DNAJB6: variants seen among roughly 807,000 people sequenced by gnomAD.
DNAJB6 encodes dnaJ homolog subfamily B member 6.
DNAJB6 carries 16 observed loss-of-function variants against 42.7 expected under a neutral mutation model. That is an observed-to-expected ratio of 0.37 (90% CI 0.25 to 0.57). DNAJB6 has a LOEUF of 0.57. Among genes scored for constraint, DNAJB6 ranks in the 20% least tolerant of loss-of-function variants. The pLI, the probability that DNAJB6 is intolerant of heterozygous loss-of-function variation, is 0.74. For missense variants in DNAJB6, 347 were observed against 416.8 expected (o/e 0.83, Z 1.46); for synonymous variants, 170 against 163.5 (o/e 1.04, Z -0.30).
intron 8 of DNAJB6, among the ~76,000 whole-genome samples, chr7:157,403,358 T>C (rs1465810438): frequency 2.0e-5 from 3 of 152,202 alleles, no homozygotes; most frequent in African/African-American, 7.2e-5. Flanking sequence ...GAAGATAAGC[T>C]GTCCACTGAC....
chr7:157,380,287 G>A (rs895440203), intron 5 of DNAJB6: 3 of 152,200 alleles, frequency 2.0e-5, no homozygotes, highest in African/African-American at 7.2e-5. Context: ...AAAGTAGAAA[G>A]TTTCTAAATA....
At chr7:157,384,774 TTAAA>T in intron 6 of DNAJB6, 89 bp from the exon 7 acceptor site, 1 of 1,281,060 alleles carries the variant, frequency 7.8e-7, no homozygotes, top group South Asian at 1.3e-5. Flanking sequence ...TGCCTTAACA[TTAAA>T]TATTCTGCTA....
intron 1 of DNAJB6, among the ~76,000 whole-genome samples, chr7:157,345,805 G>C (rs544373930): frequency 6.6e-6 from 1 of 152,186 alleles, no homozygotes; most frequent in Non-Finnish European, 1.5e-5. Context: ...TTTTTGCCAA[G>C]TGGGGTTCTA....
intron 8 of DNAJB6, among the ~76,000 whole-genome samples, chr7:157,393,905 G>A (rs1801466578): frequency 6.6e-6 from 1 of 152,140 alleles, no homozygotes; most frequent in Admixed American, 6.5e-5. Flanking sequence ...TTTCATATCA[G>A]TTTGCTAATT....
chr7:157,340,712 T>C (rs543886444), intron 1 of DNAJB6, among the ~76,000 whole-genome samples: 1 of 152,198 alleles, frequency 6.6e-6, no homozygotes, highest in South Asian at 2.1e-4. Flanking sequence ...GTCCTTGCTC[T>C]GTGTCCCAGG....
At chr7:157,352,240 A>G (rs1799023029) in intron 1 of DNAJB6, among the ~76,000 whole-genome samples, 1 of 151,984 alleles carries the variant, frequency 6.6e-6, no homozygotes, top group Admixed American at 6.6e-5. Flanking sequence ...GAGACAGGAA[A>G]GTCGCTTGAA....
chr7:157,338,507 T>A (rs1798168429), intron 1 of DNAJB6, among the ~76,000 whole-genome samples: 1 of 152,180 alleles, frequency 6.6e-6, no homozygotes, highest in South Asian at 2.1e-4. Context: ...CTAATTTTTG[T>A]ATTTTTAGTA....
At chr7:157,348,644 T>C (rs117053649) in intron 1 of DNAJB6, among the ~76,000 whole-genome samples, 4 of 152,286 alleles carry the variant, frequency 2.6e-5, no homozygotes, top group Admixed American at 1.3e-4. Flanking sequence ...CCATCTCCCT[T>C]GTAGTTAGAA....
intron 6 of DNAJB6, among the ~76,000 whole-genome samples, chr7:157,384,100 A>G (rs1030630158): frequency 6.6e-6 from 1 of 152,172 alleles, no homozygotes; most frequent in African/African-American, 2.4e-5. Flanking sequence ...CATTTTGGAA[A>G]CAGGACAAAA....
chr7:157,404,023 G>C (rs1372912912), intron 8 of DNAJB6, among the ~76,000 whole-genome samples: 1 of 152,096 alleles, frequency 6.6e-6, no homozygotes, highest in African/African-American at 2.4e-5. Context: ...CAGGAGTGCA[G>C]TGGTGCGATC....
intron 8 of DNAJB6, among the ~76,000 whole-genome samples, chr7:157,404,762 TCTCAAAGTGCTGGGA>T (rs1207853903): frequency 6.6e-6 from 1 of 152,160 alleles, no homozygotes; most frequent in Non-Finnish European, 1.5e-5. Flanking sequence ...TGCCTCAGCC[TCTCAAAGTGCTGGGA>T]TTATAGGCGT....
rs746706599 is a variant in DNAJB6 at position 157,382,302 on chromosome 7, C to T, written c.403C>T (p.Arg135Ter). 3 of 1,611,800 alleles carry T rather than the reference C, an allele frequency of 1.9e-6. No homozygotes were observed. Among genetic ancestry groups the T allele is most frequent in the Non-Finnish European group, 1.7e-6 (2 of 1,179,600 alleles). Reference protein sequence around the residue: ...NRRGPRGSRSRGTGSFFSAFS... With the variant: ...NRRGPRGSRS ...AAGGGGTCCCCGAGGAAGCAGAAGCCGAGGGACGGGGTCGTTTTTCTCTGC... is the reference window on the plus strand; with the variant it reads ...AAGGGGTCCCCGAGGAAGCAGAAGCTGAGGGACGGGGTCGTTTTTCTCTGC... Residue 135 changes from arginine (R) to a stop codon, truncating the protein, a stop_gained, in exon 6 of 10, where the codon CGA becomes TGA. Transcript: ENST00000262177. LOFTEE classifies it high-confidence loss of function.
chr7:157,370,573 G>T (rs889746773), intron 5 of DNAJB6, among the ~76,000 whole-genome samples: 2 of 152,158 alleles, frequency 1.3e-5, no homozygotes, highest in Non-Finnish European at 1.5e-5. Flanking sequence ...TGTAAAGAAG[G>T]TATAGAGATC....
intron 8 of DNAJB6, among the ~76,000 whole-genome samples, chr7:157,403,675 T>G (rs1290386939): frequency 2.6e-5 from 4 of 152,168 alleles, no homozygotes; most frequent in African/African-American, 9.7e-5. Flanking sequence ...GAGGCAGGTG[T>G]GCCCGATGCA....
At chr7:157,338,641 G>C (rs78282924) in intron 1 of DNAJB6, among the ~76,000 whole-genome samples, 29 of 152,320 alleles carry the variant, frequency 1.9e-4, no homozygotes, top group African/African-American at 7.0e-4. Flanking sequence ...GCCGACTCCA[G>C]ACTTGTTTCC....
intron 8 of DNAJB6, among the ~76,000 whole-genome samples, chr7:157,389,741 T>C (rs1801250391): frequency 6.6e-6 from 1 of 152,220 alleles, no homozygotes; most frequent in Non-Finnish European, 1.5e-5. Flanking sequence ...ACAGCAGCTA[T>C]TCCTGTGTTA....
chr7:157,339,624 TGTGTGTGTGTGTGTGTGTGTGTGA>T (rs1250875842), intron 1 of DNAJB6, among the ~76,000 whole-genome samples: 15 of 109,980 alleles, frequency 1.4e-4, no homozygotes, highest in South Asian at 3.3e-4. Flanking sequence ...TGTGTGTGTG[TGTGTGTGTGTGTGTGTGTGTGTGA>T]GATGGAGTTT....
rs563187969 is a variant in DNAJB6, at chr7:157,354,490, A to AT, written c.-26-4050dup. 7.3e-5 allele frequency among the ~76,000 whole-genome samples: 11 copies of AT among 151,182 alleles called. No individual in the cohort carries two copies. In the South Asian group the frequency reaches 2.3e-3, roughly 32 times the overall value. Reference sequence around the variant, plus strand: ...TTTTTTTTTTAAAAAAATTATTTTCATTTTTTTGGAGACAGGTCTCGCTCT... The same window carrying AT: ...TTTTTTTTTTAAAAAAATTATTTTCATTTTTTTTGGAGACAGGTCTCGCTCT... On this transcript the variant is annotated intron_variant, in intron 1 of 9. Transcript: ENST00000262177.
chr7:157,350,259 A>AC (rs1424827598), intron 1 of DNAJB6, among the ~76,000 whole-genome samples: 1 of 152,104 alleles, frequency 6.6e-6, no homozygotes, highest in African/African-American at 2.4e-5. Context: ...GAGGGGAGGG[A>AC]CCAGGTAGGT....
Sources: allele counts gnomAD v4.1 joint callset (sites outside exome capture counted in the v4.1 genomes callset), GRCh38; gene constraint gnomAD v4.1.1; transcripts MANE v1.5; gene names NCBI Gene and HGNC (gene_info 2026-07-23, HGNC 2026-07-21).